Variants in SHC4 observed in about 807,000 individuals in gnomAD.
SHC4 encodes SHC-transforming protein 4.
A neutral mutation model predicts 69.4 loss-of-function variants in SHC4; 41 were observed. The ratio of observed to expected loss-of-function variants is 0.59; its 90% CI spans 0.46 to 0.77. SHC4 has a LOEUF of 0.77. SHC4 is among the 30% of genes least tolerant of loss of function. The pLI is 0.00. For missense variants in SHC4, 777 were observed against 783.8 expected, an observed-to-expected ratio of 0.99 and a Z score of 0.10; for synonymous variants, 318 against 299.3, an observed-to-expected ratio of 1.06 and a Z score of -0.64.
At chr15:48,957,690 T>C (rs1901477808) in intron 1 of SHC4, among the ~76,000 whole-genome samples, 1 of 152,206 alleles carries the variant, frequency 6.6e-6, no homozygotes, top group Non-Finnish European at 1.5e-5. Flanking sequence ...TGGGTTGAAT[T>C]ATGTCCACCA....
intron 4 of SHC4, chr15:48,878,072 G>T: frequency 2.1e-6 from 3 of 1,436,820 alleles, no homozygotes. Flanking sequence ...ACGCCTGCGC[G>T]CGGGGTTACG....
At chr15:48,874,322 T>A (rs1899751697) in intron 4 of SHC4, among the ~76,000 whole-genome samples, 1 of 152,144 alleles carries the variant, frequency 6.6e-6, no homozygotes, top group Non-Finnish European at 1.5e-5. Flanking sequence ...AGAAATCATG[T>A]GTCCATGGTG....
In SHC4 at chr15:48,963,391, C is replaced by T. The variant is rs1287684845; in HGVS notation, c.-376G>A. On this transcript the variant is annotated 5_prime_UTR_variant, in exon 1 of 12. Transcript: ENST00000332408. ...CGCTGCATCACTAGCCTTGCAGGAG[C>T]CTAGTAGAAATATTTAGCACCCGAC... is the stretch of plus-strand genomic sequence containing the variant. 4.2e-6 allele frequency: 1 copy of T among 236,546 alleles called. No homozygotes were observed. The highest frequency in any genetic ancestry group is 9.3e-5 in the East Asian group (1 of 10,746). 14.7% of individuals were successfully genotyped at this position (236,546 alleles called of 1,614,324 possible).
intron 10 of SHC4, 27 bp downstream of exon 10, chr15:48,843,382 G>A: frequency 6.3e-7 from 1 of 1,577,218 alleles, no homozygotes; most frequent in East Asian, 2.3e-5. Context: ...CCTAAGAAAT[G>A]AATACAGACA....
chr15:48,950,634 T>A (rs1296401294), intron 1 of SHC4, among the ~76,000 whole-genome samples: 1 of 151,028 alleles, frequency 6.6e-6, no homozygotes, highest in African/African-American at 2.4e-5. Flanking sequence ...GAAATGGGAG[T>A]GTGTGAGAAA....
chr15:48,949,427 A>G (rs141476810), intron 1 of SHC4, among the ~76,000 whole-genome samples: 60 of 151,926 alleles, frequency 3.9e-4, no homozygotes, highest in African/African-American at 1.1e-3. Flanking sequence ...TCTTCATCAA[A>G]TTATTCTTCC....
chr15:48,925,927 C>T (rs1276079475), intron 1 of SHC4, among the ~76,000 whole-genome samples: 11 of 152,082 alleles, frequency 7.2e-5, no homozygotes, highest in Non-Finnish European at 1.2e-4. Context: ...TGATTTGATA[C>T]GGAGAACAAG....
At chr15:48,878,405 A>G (rs776024788) in intron 4 of SHC4, 4 of 1,612,016 alleles carry the variant, frequency 2.5e-6, no homozygotes, top group South Asian at 1.1e-5. Flanking sequence ...GAGCCTTGCT[A>G]ACGGGCCCAA....
At chr15:48,896,171 A>G (rs1900216281) in intron 2 of SHC4, among the ~76,000 whole-genome samples, 1 of 151,826 alleles carries the variant, frequency 6.6e-6, no homozygotes, top group Non-Finnish European at 1.5e-5. Context: ...CTATTTGTAC[A>G]AACTTTCCTT....
At chr15:48,938,468 G>T (rs10851473) in intron 1 of SHC4, 3 of 151,916 alleles carry the variant, frequency 2.0e-5, no homozygotes, top group Non-Finnish European at 4.4e-5. Flanking sequence ...CCTTTCTTTT[G>T]TATTGTGGGA....
At chr15:48,897,784 C>CACACACACACACACA (rs369256772) in intron 2 of SHC4, among the ~76,000 whole-genome samples, 1 of 151,814 alleles carries the variant, frequency 6.6e-6, no homozygotes, top group African/African-American at 2.4e-5. Context: ...CACACACACA[C>CACACACACACACACA]ATCTATAGTC....
chr15:48,851,037 G>A (rs530804712), intron 9 of SHC4, 151 bp downstream of exon 9: 8 of 641,188 alleles, frequency 1.2e-5, no homozygotes, highest in Admixed American at 2.9e-5. Flanking sequence ...AACATTCTGG[G>A]CCTATCTGAG....
intron 1 of SHC4, 140 bp downstream of exon 1, chr15:48,962,291 C>G: frequency 2.4e-6 from 2 of 841,780 alleles, no homozygotes; most frequent in East Asian, 2.8e-5. Flanking sequence ...AAACCCAGCT[C>G]CCCTCCGCCT....
At chr15:48,945,505 T>A (rs1901259820) in intron 1 of SHC4, among the ~76,000 whole-genome samples, 1 of 152,166 alleles carries the variant, frequency 6.6e-6, no homozygotes, top group Non-Finnish European at 1.5e-5. Context: ...CAAAATGTGG[T>A]ATTGCCGTAC....
intron 5 of SHC4, among the ~76,000 whole-genome samples, chr15:48,869,819 AC>A (rs1899632228): frequency 6.6e-6 from 1 of 152,198 alleles, no homozygotes; most frequent in African/African-American, 2.4e-5. Flanking sequence ...CCAGATTTCT[AC>A]TTTAAATTAG....
intron 11 of SHC4, among the ~76,000 whole-genome samples, chr15:48,833,994 C>T (rs1898855582): frequency 1.3e-5 from 2 of 152,134 alleles, no homozygotes; most frequent in Non-Finnish European, 2.9e-5. Context: ...AGGGCTGGGA[C>T]TTCCTATTCT....
In SHC4 at chr15:48,873,181, A is replaced by G. The variant is rs544661467; in HGVS notation, c.841-1039T>C. On this transcript the variant is annotated intron_variant, in intron 4 of 11. Transcript: ENST00000332408. Reference sequence around the variant, plus strand: ...GTTTGCTGAGCAAAAGAAGTCTAACACAAAGAATATACTGCATGGCTTAAT... The same window carrying G: ...GTTTGCTGAGCAAAAGAAGTCTAACGCAAAGAATATACTGCATGGCTTAAT... Among the ~76,000 whole-genome samples, 8 of 152,368 alleles carry G rather than the reference A, an allele frequency of 5.3e-5. 1 individual carries two copies. In the South Asian group the frequency reaches 1.4e-3, roughly 28 times the overall value.
intron 2 of SHC4, among the ~76,000 whole-genome samples, chr15:48,894,307 G>A (rs1025407484): frequency 2.0e-5 from 3 of 152,130 alleles, no homozygotes; most frequent in Non-Finnish European, 2.9e-5. Context: ...TGATTCTACC[G>A]ATGTTTAGAT....
intron 2 of SHC4, among the ~76,000 whole-genome samples, chr15:48,901,710 G>T (rs573625259): frequency 1.3e-5 from 2 of 152,150 alleles, no homozygotes; most frequent in South Asian, 4.2e-4. Flanking sequence ...AAGCTAGTCA[G>T]GTAGACTCTG....
Sources: allele counts gnomAD v4.1 joint callset (sites outside exome capture counted in the v4.1 genomes callset), GRCh38; gene constraint gnomAD v4.1.1; transcripts MANE v1.5; gene names NCBI Gene and HGNC (gene_info 2026-07-23, HGNC 2026-07-21).